Variants in RAB20 observed in about 807,000 individuals in gnomAD.
RAB20 encodes the protein RAB20, member RAS oncogene family, also known as ras-related protein Rab-20.
A neutral mutation model predicts 3.7 loss-of-function variants in RAB20; 2 were observed. The ratio of observed to expected loss-of-function variants is 0.54; its 90% CI spans 0.22 to 1.69. RAB20 has a LOEUF of 1.69. Ranked by LOEUF, RAB20 falls within the 40% of genes most tolerant of loss-of-function variation. The pLI is 0.19. For missense variants in RAB20, 276 were observed against 311.9 expected (o/e 0.88, Z 0.87); for synonymous variants, 126 against 130.8 (o/e 0.96, Z 0.25).
intron 1 of RAB20, among the ~76,000 whole-genome samples, chr13:110,534,886 T>G (rs1403765026): frequency 2.0e-5 from 3 of 152,170 alleles, no homozygotes; most frequent in Admixed American, 6.5e-5. Flanking sequence ...CAGGCTGGAG[T>G]GCAGTGGCTC....
chr13:110,552,625 G>A (rs1481466532), intron 1 of RAB20, among the ~76,000 whole-genome samples: 11 of 146,976 alleles, frequency 7.5e-5, no homozygotes, highest in African/African-American at 2.5e-4. Context: ...CCCAGGAGGC[G>A]GAGCTTGCAG....
chr13:110,546,897 C>T (rs1223015953), intron 1 of RAB20, among the ~76,000 whole-genome samples: 1 of 151,968 alleles, frequency 6.6e-6, no homozygotes, highest in African/African-American at 2.4e-5. Context: ...ACCACCATGC[C>T]TGGCAATTTT....
intron 1 of RAB20, among the ~76,000 whole-genome samples, chr13:110,528,356 C>T (rs191777734): frequency 5.0e-5 from 7 of 139,418 alleles, no homozygotes; most frequent in African/African-American, 1.6e-4. Context: ...GCGGAGGTTG[C>T]GGTGAGCTGA....
intron 1 of RAB20, among the ~76,000 whole-genome samples, chr13:110,529,407 A>T (rs556758287): frequency 7.9e-5 from 12 of 152,180 alleles, no homozygotes; most frequent in Non-Finnish European, 5.9e-5. Context: ...AGGATCAGGC[A>T]TCTCTATCTC....
intron 1 of RAB20, among the ~76,000 whole-genome samples, chr13:110,540,358 T>C (rs936362557): frequency 6.6e-6 from 1 of 152,260 alleles, no homozygotes; most frequent in African/African-American, 2.4e-5. Flanking sequence ...AAAGTAAAAC[T>C]AAAATTATTT....
intron 1 of RAB20, among the ~76,000 whole-genome samples, chr13:110,542,156 A>G (rs887431129): frequency 6.6e-6 from 1 of 152,214 alleles, no homozygotes; most frequent in African/African-American, 2.4e-5. Context: ...GTTTTTAATC[A>G]GAACGCTTGC....
intron 1 of RAB20, among the ~76,000 whole-genome samples, chr13:110,538,610 AAAAAAAAAG>A (rs1884694538): frequency 1.7e-5 from 2 of 115,550 alleles, no homozygotes; most frequent in South Asian, 4.6e-4. Context: ...AAAAAAAAAA[AAAAAAAAAG>A]AAAGAAAAGA....
At chr13:110,544,756 C>T (rs544899315) in intron 1 of RAB20, among the ~76,000 whole-genome samples, 2 of 152,244 alleles carry the variant, frequency 1.3e-5, no homozygotes, top group South Asian at 4.1e-4. Context: ...ACAGGTAAAG[C>T]GCCTCACCGA....
intron 1 of RAB20, among the ~76,000 whole-genome samples, chr13:110,544,664 G>C (rs547753395): frequency 6.6e-6 from 1 of 152,200 alleles, no homozygotes; most frequent in Non-Finnish European, 1.5e-5. Flanking sequence ...GCAGACAGAC[G>C]GGAATACTGG....
At chr13:110,524,988 T>G (rs7325217) in intron 1 of RAB20, among the ~76,000 whole-genome samples, 1 of 152,006 alleles carries the variant, frequency 6.6e-6, no homozygotes. Flanking sequence ...ATTTCCAGGT[T>G]GAGATCAAAC....
At chr13:110,532,500 C>G (rs1018207386) in intron 1 of RAB20, among the ~76,000 whole-genome samples, 1 of 152,034 alleles carries the variant, frequency 6.6e-6, no homozygotes, top group Non-Finnish European at 1.5e-5. Context: ...CCTAAGCCTC[C>G]CTAGTAGCTG....
chr13:110,526,390 C>G (rs1884431471), intron 1 of RAB20, among the ~76,000 whole-genome samples: 1 of 152,224 alleles, frequency 6.6e-6, no homozygotes, highest in Admixed American at 6.5e-5. Flanking sequence ...ATTTTAATCT[C>G]CCAAGTTTTA....
At chr13:110,537,516 A>G (rs1217951963) in intron 1 of RAB20, among the ~76,000 whole-genome samples, 2 of 151,966 alleles carry the variant, frequency 1.3e-5, no homozygotes, top group African/African-American at 4.8e-5. Flanking sequence ...CGCACCTTGA[A>G]GAGGAAGCTG....
chr13:110,543,133 AT>A (rs201018917), intron 1 of RAB20, among the ~76,000 whole-genome samples: 7 of 151,122 alleles, frequency 4.6e-5, no homozygotes, highest in African/African-American at 1.2e-4. Context: ...TGCTCATTTT[AT>A]TTTTTTTTAT....
At chr13:110,561,181 C>A (rs1885122045) in intron 1 of RAB20, among the ~76,000 whole-genome samples, 167 bp downstream of exon 1, 1 of 152,178 alleles carries the variant, frequency 6.6e-6, no homozygotes, top group Non-Finnish European at 1.5e-5. Context: ...TGAGAGGCAG[C>A]GCTCAGCCCA....
At chr13:110,524,715 C>T (rs1051046849) in intron 1 of RAB20, among the ~76,000 whole-genome samples, 3 of 152,214 alleles carry the variant, frequency 2.0e-5, no homozygotes, top group Non-Finnish European at 2.9e-5. Context: ...GGAAGTGCTG[C>T]GGGGAGGGCT....
intron 1 of RAB20, among the ~76,000 whole-genome samples, chr13:110,552,674 CAG>C (rs1231648506): frequency 6.7e-6 from 1 of 148,808 alleles, no homozygotes; most frequent in African/African-American, 2.5e-5. Flanking sequence ...GCCTGGGGGA[CAG>C]AGTGAGACTC....
At chr13:110,547,483 C>T (rs758598183) in intron 1 of RAB20, among the ~76,000 whole-genome samples, 3 of 152,166 alleles carry the variant, frequency 2.0e-5, no homozygotes, top group African/African-American at 7.2e-5. Flanking sequence ...CGAAATAGAA[C>T]GTAGCCCGAT....
intron 1 of RAB20, among the ~76,000 whole-genome samples, chr13:110,534,850 CAGA>C (rs1252028863): frequency 6.6e-6 from 1 of 152,126 alleles, no homozygotes; most frequent in Non-Finnish European, 1.5e-5. Context: ...TTTGTGGAAA[CAGA>C]GACAGGGTCT....
Sources: gnomAD v4.1 joint callset for allele counts (sites outside exome capture counted in the v4.1 genomes callset) on GRCh38, gnomAD v4.1.1 for gene constraint, MANE v1.5 for transcripts, NCBI Gene and HGNC (gene_info 2026-07-23, HGNC 2026-07-21) for gene names.